Variants in NIBAN2 observed in about 807,000 individuals in gnomAD.
NIBAN2 encodes niban apoptosis regulator 2, also known as protein Niban 2.
Under a neutral mutation model 81.8 loss-of-function variants are expected in NIBAN2, and 36 were observed. The ratio of observed to expected loss-of-function variants is 0.44; its 90% confidence interval spans 0.34 to 0.58. The LOEUF is 0.58. Ranked by LOEUF, NIBAN2 falls within the 20% of genes least tolerant of loss-of-function variation. The probability of loss-of-function intolerance (pLI) is 0.02; values close to 1 mark genes in which losing one functional copy is unlikely to be tolerated. For missense variants in NIBAN2, 897 were observed against 1,014.1 expected (o/e 0.88, Z 1.57); for synonymous variants, 445 against 441.6 (o/e 1.01, Z -0.10).
At chr9:127,578,014 C>T (rs1337807122) in intron 1 of NIBAN2, among the ~76,000 whole-genome samples, 1 of 151,750 alleles carries the variant, frequency 6.6e-6, no homozygotes, top group Non-Finnish European at 1.5e-5. Flanking sequence ...CACAGTGAAA[C>T]CCTGTCTCTA....
chr9:127,570,349 A>G (rs1438999332), upstream of NIBAN2, among the ~76,000 whole-genome samples: 1 of 152,166 alleles, frequency 6.6e-6, no homozygotes, highest in Non-Finnish European at 1.5e-5. Context: ...GGTGGTCAAC[A>G]CCTGTGTGCC....
chr9:127,516,420 G>C (rs1260428676), intron 8 of NIBAN2, among the ~76,000 whole-genome samples: 1 of 152,050 alleles, frequency 6.6e-6, no homozygotes, highest in African/African-American at 2.4e-5. Context: ...TGGCGCGCGT[G>C]TGCCTGTAGT....
In NIBAN2 at chr9:127,506,698, G is replaced by A. The variant is rs1235541442; in HGVS notation, c.*147C>T. The stretch of plus-strand genomic sequence containing the variant: ...TGACTGAACCCAATAAAGTGACTCA[G>A]GTGGGCCCGCTCCCTGGCGGTGCCA... On this transcript the variant is annotated 3_prime_UTR_variant, in exon 14 of 14. Transcript: ENST00000373312. 1.4e-5 allele frequency: 8 copies of A among 581,230 alleles called. No homozygotes were observed. The highest frequency in any genetic ancestry group is 2.0e-5 in the Non-Finnish European group (7 of 348,670). 36.0% of individuals were successfully genotyped at this position (581,230 alleles called of 1,614,324 possible).
rs1199732259 is a variant in NIBAN2, at chr9:127,507,964, G to A, written c.1557C>T (p.Phe519=). ...CAAAGTCCTCGAAGATCAGCTCCTG[G>A]AACCGGGGCAGCTCCTGCCCGGGTG... is the stretch of plus-strand genomic sequence containing the variant. ...APTCKSELPR[F]QELIFEDFAR... The change falls in exon 13 of 14, where the codon TTC becomes TTT. Residue 519 remains phenylalanine (F), a synonymous_variant. Transcript: ENST00000373312. The surrounding 1 kb of genome is among the most constrained non-coding windows in gnomAD (Gnocchi z 6.8). The A allele has an allele frequency of 1.9e-6, 3 of 1,614,158 alleles. No individual in the cohort carries two copies. The South Asian group carries it at 3.3e-5, about 18-fold the overall frequency.
intron 1 of NIBAN2, among the ~76,000 whole-genome samples, chr9:127,574,143 C>G (rs1214220486): frequency 6.6e-6 from 1 of 152,202 alleles, no homozygotes; most frequent in Non-Finnish European, 1.5e-5. Context: ...GGCTCCCACT[C>G]CCTTTTCTTG....
chr9:127,568,995 C>G lies in NIBAN2; in HGVS notation c.-121G>C. ...CTGCTTCCCCCGCTCCCGCCGCTCC[C>G]GCCGCTCCCGCCGCCCGGCTGCGGC... On this transcript the variant is annotated 5_prime_UTR_variant, in exon 1 of 14. Transcript: ENST00000373312. The G allele has an allele frequency of 8.9e-7, 1 of 1,127,018 alleles. No individual in the cohort carries two copies. The highest frequency in any genetic ancestry group is 4.3e-5 in the South Asian group (1 of 23,316). The allele number at this position is 1,127,018 out of a possible 1,614,324, so 69.8% of individuals were successfully genotyped here.
intron 1 of NIBAN2, among the ~76,000 whole-genome samples, chr9:127,541,101 T>C (rs574854295): frequency 6.6e-5 from 10 of 152,244 alleles, no homozygotes; most frequent in African/African-American, 2.4e-4. Context: ...AGGGACTCCA[T>C]TCTCGCAGGT....
At chr9:127,550,080 C>T (rs954090332) in intron 1 of NIBAN2, among the ~76,000 whole-genome samples, 1 of 152,160 alleles carries the variant, frequency 6.6e-6, no homozygotes, top group Non-Finnish European at 1.5e-5. Context: ...CATCACTGGC[C>T]AGTGAAATGG....
Position 127,509,027 on chromosome 9 carries a change from A to G in NIBAN2, c.1266T>C (p.Asp422=). Residue 422 remains aspartate (D), a synonymous_variant, in exon 10 of 14, where the codon GAT becomes GAC. Coordinates refer to ENST00000373312, the MANE Select transcript of NIBAN2 (RefSeq NM_022833.4). ...GCTTGAACACGGACGTGCTGGACACATCAAATCGCTGCTGCAGCCCGTCCA... is the reference window on the plus strand; with the variant it reads ...GCTTGAACACGGACGTGCTGGACACGTCAAATCGCTGCTGCAGCCCGTCCA... ...LRLDGLQQRF[D]VSSTSVFKQR... The G allele has an allele frequency of 6.2e-7, 1 of 1,613,924 alleles. No homozygotes were observed. Among genetic ancestry groups the G allele is most frequent in the Middle Eastern group, 1.7e-4 (1 of 6,044 alleles).
chr9:127,553,910 C>T (rs968117413), intron 1 of NIBAN2, among the ~76,000 whole-genome samples: 2 of 152,130 alleles, frequency 1.3e-5, no homozygotes, highest in African/African-American at 4.8e-5. Flanking sequence ...GGGACACCTC[C>T]GGACTGGAGG....
chr9:127,562,609 G>A (rs931138485), intron 1 of NIBAN2, among the ~76,000 whole-genome samples: 9 of 152,162 alleles, frequency 5.9e-5, no homozygotes, highest in South Asian at 2.1e-4. Context: ...CACTAGCCCC[G>A]AACGATGCTC....
rs75464438 is a variant in NIBAN2 at position 127,542,220 on chromosome 9, G to T, written c.56-10442C>A. 1.8e-3 allele frequency among the ~76,000 whole-genome samples: 273 copies of T among 152,302 alleles called. 2 individuals carry two copies. Among genetic ancestry groups the T allele is most frequent in the African/African-American group, 6.5e-3 (269 of 41,550 alleles). On this transcript the variant is annotated intron_variant, in intron 1 of 13. Coordinates refer to ENST00000373312, the MANE Select transcript of NIBAN2 (RefSeq NM_022833.4). ...AGTCATCTGGGGTCTCGCAGAGGCT[G>T]CTCCCCATGTCCGGAATACAGTCTT... is the stretch of plus-strand genomic sequence containing the variant.
Position 127,517,510 on chromosome 9 carries a change from G to A in NIBAN2, c.706-294C>T, listed in dbSNP as rs1276852904. 6.6e-6 allele frequency among the ~76,000 whole-genome samples: 1 copy of A among 152,188 alleles called. No individual in the cohort carries two copies. The highest frequency in any genetic ancestry group is 1.5e-5 in the Non-Finnish European group (1 of 68,034). On this transcript the variant is annotated intron_variant, in intron 6 of 13. Transcript: ENST00000373312. This position sits in a 1 kb window ranked among gnomAD's most constrained non-coding sequence, Gnocchi z 4.0. Reference sequence around the variant, plus strand: ...CTCCCTGCTTTGCCTGCACATGGAAGTGTACATTTATTTGCCAAATGTCTG... The same window carrying A: ...CTCCCTGCTTTGCCTGCACATGGAAATGTACATTTATTTGCCAAATGTCTG...
chr9:127,508,105 A>G lies in NIBAN2; in HGVS notation c.1530T>C (p.Pro510=). The G allele has an allele frequency of 1.9e-6, 3 of 1,613,476 alleles. No individual in the cohort carries two copies. Among genetic ancestry groups the G allele is most frequent in the African/African-American group, 1.3e-5 (1 of 75,030 alleles). The part of the protein sequence containing the change: ...SIPFLLKKLA[P]TCKSELPRFQ... ...GGGGGCTGCTCACCGACTTGCAGGT[A>G]GGGGCCAGCTTCTTGAGCAGGAACG... is the stretch of plus-strand genomic sequence containing the variant. The change falls in exon 12 of 14, where the codon CCT becomes CCC. Residue 510 remains proline, a synonymous_variant. Transcript: ENST00000373312. This position sits in a 1 kb window ranked among gnomAD's most constrained non-coding sequence, Gnocchi z 6.4.
chr9:127,535,725 G>A (rs1837263896), intron 1 of NIBAN2, among the ~76,000 whole-genome samples: 1 of 152,070 alleles, frequency 6.6e-6, no homozygotes, highest in African/African-American at 2.4e-5. Flanking sequence ...CAGAATTCAG[G>A]AGCCAAATGG....
chr9:127,567,298 G>A (rs1837874867), intron 1 of NIBAN2, among the ~76,000 whole-genome samples: 1 of 152,186 alleles, frequency 6.6e-6, no homozygotes, highest in African/African-American at 2.4e-5. Flanking sequence ...CAGAGCCCCA[G>A]GAGCTTGCTG....
At chr9:127,547,472 G>A (rs902973899) in intron 1 of NIBAN2, among the ~76,000 whole-genome samples, 1 of 151,706 alleles carries the variant, frequency 6.6e-6, no homozygotes, top group Non-Finnish European at 1.5e-5. Flanking sequence ...AGCTGAGATC[G>A]CGCCACTGCA....
In NIBAN2 at chr9:127,516,889, G is replaced by T. The variant is rs141392004; in HGVS notation, c.941C>A (p.Thr314Asn). The change falls in exon 8 of 14, where the codon ACC (threonine) becomes AAC (asparagine). Residue 314 changes from threonine (T) to asparagine (N), a missense_variant. Coordinates refer to ENST00000373312, the MANE Select transcript of NIBAN2 (RefSeq NM_022833.4). ...CTTGCTGGCAAGGTGCTCCTTGGAG[G>T]TGATAATTTGGTCCATGTCAGTTCG... ...VIRTDMDQII[T>N]SKEHLASKIR... The T allele has an allele frequency of 3.6e-4, 584 of 1,614,214 alleles. 3 individuals carry two copies. The Middle Eastern group carries it at 8.4e-3, about 23-fold the overall frequency.
chr9:127,569,458 G>A (rs1837920063), upstream of NIBAN2, among the ~76,000 whole-genome samples: 1 of 151,818 alleles, frequency 6.6e-6, no homozygotes, highest in Admixed American at 6.6e-5. Context: ...AACTGGGGGT[G>A]CTCTGGGGGA....
Sources: gnomAD v4.1 joint callset for allele counts (sites outside exome capture counted in the v4.1 genomes callset) on GRCh38, gnomAD v4.1.1 for gene constraint, Gnocchi (gnomAD v3.1) non-coding constraint, MANE v1.5 for transcripts, NCBI Gene and HGNC (gene_info 2026-07-23, HGNC 2026-07-21) for gene names.